LINGO2: variants seen among roughly 807,000 people sequenced by gnomAD.
The protein encoded by LINGO2 is leucine-rich repeat and immunoglobulin-like domain-containing nogo receptor-interacting protein 2.
Under a neutral mutation model 30.6 loss-of-function variants are expected in LINGO2, and 14 were observed. That is an observed-to-expected ratio of 0.46 (90% CI 0.30 to 0.72). The LOEUF is 0.72. Ranked by LOEUF, LINGO2 falls within the 30% of genes least tolerant of loss-of-function variation. LINGO2 has a pLI of 0.07. For missense variants in LINGO2, 729 were observed against 751.7 expected (o/e 0.97, Z 0.35); for synonymous variants, 317 against 288.5 (o/e 1.10, Z -1.00).
the LINGO2 span, among the ~76,000 whole-genome samples, chr9:29,137,877 C>G: frequency 6.6e-6 from 1 of 152,108 alleles, no homozygotes; most frequent in South Asian, 2.1e-4. Flanking sequence ...TCTCAATTTT[C>G]TGATCTGTAA....
intron 4 of LINGO2, among the ~76,000 whole-genome samples, chr9:28,183,964 T>G (rs571515177): frequency 1.5e-3 from 233 of 152,332 alleles, no homozygotes; most frequent in Non-Finnish European, 3.0e-3. Flanking sequence ...GAGGCTTGTA[T>G]TCTCAAAGCC....
chr9:28,149,216 C>T (rs1253172113), intron 4 of LINGO2: 36 of 1,090,420 alleles, frequency 3.3e-5, no homozygotes, highest in East Asian at 2.3e-4. Context: ...GTAGGGCAGG[C>T]GTGGTGGCCC....
chr9:29,075,041 C>T, the LINGO2 span, among the ~76,000 whole-genome samples: 7 of 152,032 alleles, frequency 4.6e-5, no homozygotes. Flanking sequence ...TATGTGCTTT[C>T]GTCAACTAGC....
intron 1 of LINGO2, among the ~76,000 whole-genome samples, chr9:28,609,916 T>C (rs1399285257): frequency 1.3e-5 from 2 of 152,164 alleles, no homozygotes; most frequent in African/African-American, 4.8e-5. Flanking sequence ...TATGAGAAGA[T>C]TGCTTTATAT....
chr9:28,974,796 G>T, the LINGO2 span, among the ~76,000 whole-genome samples: 1 of 151,894 alleles, frequency 6.6e-6, no homozygotes. Context: ...CCTTCTACTT[G>T]CAAAGTTCTT....
chr9:28,458,198 A>C (rs532174274), intron 2 of LINGO2, among the ~76,000 whole-genome samples: 13 of 152,304 alleles, frequency 8.5e-5, no homozygotes, highest in African/African-American at 2.2e-4. Context: ...GCATGCAAAC[A>C]ATTTGTCAGA....
chr9:28,938,722 C>T, the LINGO2 span, among the ~76,000 whole-genome samples: 1 of 152,102 alleles, frequency 6.6e-6, no homozygotes. Context: ...GCAGACCATG[C>T]CATGTAGGTT....
the LINGO2 span, among the ~76,000 whole-genome samples, chr9:28,785,365 C>T: frequency 6.6e-6 from 1 of 152,144 alleles, no homozygotes; most frequent in Non-Finnish European, 1.5e-5. Context: ...TGGCTGAATC[C>T]TTCTTATCAT....
intron 5 of LINGO2, among the ~76,000 whole-genome samples, chr9:27,984,011 G>A: frequency 6.6e-6 from 1 of 151,884 alleles, no homozygotes; most frequent in East Asian, 1.9e-4. Flanking sequence ...ACGAAAAGAA[G>A]AAAGAGAAAA....
intron 4 of LINGO2, among the ~76,000 whole-genome samples, chr9:28,287,832 CAAAA>C (rs560542367): frequency 6.6e-6 from 1 of 151,882 alleles, no homozygotes; most frequent in African/African-American, 2.4e-5. Context: ...ACTGCTGTGA[CAAAA>C]AACACACAAG....
chr9:28,994,222 T>A, the LINGO2 span, among the ~76,000 whole-genome samples: 4 of 152,080 alleles, frequency 2.6e-5, no homozygotes, highest in African/African-American at 9.7e-5. Flanking sequence ...TATGCACCAA[T>A]AACAGACAAA....
intron 4 of LINGO2, among the ~76,000 whole-genome samples, chr9:28,256,421 T>C (rs541864643): frequency 5.3e-5 from 8 of 152,012 alleles, no homozygotes; most frequent in South Asian, 4.1e-4. Context: ...CCAGGGGACG[T>C]AGAAGTAAGC....
intron 4 of LINGO2, among the ~76,000 whole-genome samples, chr9:28,065,006 T>C: frequency 6.6e-6 from 1 of 151,316 alleles, no homozygotes; most frequent in Non-Finnish European, 1.5e-5. Flanking sequence ...AAATCCATAT[T>C]ATAGGACGCA....
At chr9:28,055,751 T>TAA (rs1824905761) in intron 4 of LINGO2, among the ~76,000 whole-genome samples, 1 of 152,180 alleles carries the variant, frequency 6.6e-6, no homozygotes, top group Admixed American at 6.6e-5. Context: ...AAGTCTCTCT[T>TAA]GGAAGTTTAA....
the LINGO2 span, among the ~76,000 whole-genome samples, chr9:28,743,188 T>A: frequency 6.6e-6 from 1 of 152,130 alleles, no homozygotes; most frequent in East Asian, 1.9e-4. Context: ...TTTATTTATT[T>A]ATCTTTTTAA....
chr9:28,434,306 G>A (rs991267247), intron 2 of LINGO2, among the ~76,000 whole-genome samples: 2 of 146,236 alleles, frequency 1.4e-5, no homozygotes, highest in Admixed American at 7.0e-5. Flanking sequence ...AAAATGACCT[G>A]TACCCTAAAA....
At chr9:29,072,923 GCTCT>G in the LINGO2 span, among the ~76,000 whole-genome samples, 783 of 149,708 alleles carry the variant, frequency 5.2e-3, 7 homozygotes, top group African/African-American at 0.018. Context: ...GCTCTCTAGC[GCTCT>G]CTCTCTCTTT....
At chr9:28,777,994 G>A in the LINGO2 span, among the ~76,000 whole-genome samples, 2 of 152,094 alleles carry the variant, frequency 1.3e-5, no homozygotes, top group Admixed American at 6.5e-5. Context: ...GTACCATGAG[G>A]ACCCTTCTCT....
At chr9:28,282,515 C>CT (rs1564094200) in intron 4 of LINGO2, among the ~76,000 whole-genome samples, 2 of 151,676 alleles carry the variant, frequency 1.3e-5, no homozygotes, top group Non-Finnish European at 2.9e-5. Context: ...GCCCTTTCTG[C>CT]TAGTGAAGTA....
Sources: allele counts gnomAD v4.1 joint callset (sites outside exome capture counted in the v4.1 genomes callset), GRCh38; gene constraint gnomAD v4.1.1; transcripts MANE v1.5; gene names NCBI Gene and HGNC (gene_info 2026-07-23, HGNC 2026-07-21).